TDRD5: variants seen among roughly 807,000 people sequenced by gnomAD.
TDRD5 encodes the protein tudor domain containing 5, also known as tudor domain-containing protein 5.
TDRD5 carries 41 observed loss-of-function variants against 120.6 expected under a neutral mutation model. The ratio of observed to expected loss-of-function variants is 0.34; its 90% confidence interval spans 0.26 to 0.44. The LOEUF (loss-of-function observed/expected upper bound fraction) is 0.44, where lower values mean the gene tolerates loss of function less well. Ranked by LOEUF, TDRD5 falls within the 20% of genes least tolerant of loss-of-function variation. The pLI is 1.00. For missense variants in TDRD5, 1,006 were observed against 1,221.2 expected (o/e 0.82, Z 2.63); for synonymous variants, 430 against 433.7 (o/e 0.99, Z 0.11).
intron 4 of TDRD5, among the ~76,000 whole-genome samples, chr1:179,603,344 T>G (rs2101924521): frequency 6.6e-6 from 1 of 152,348 alleles, no homozygotes; most frequent in South Asian, 2.1e-4. Flanking sequence ...TGACTTTCTC[T>G]TTACTGATTT....
intron 7 of TDRD5, among the ~76,000 whole-genome samples, chr1:179,633,176 C>A (rs1677555084): frequency 6.6e-6 from 1 of 152,062 alleles, no homozygotes; most frequent in Non-Finnish European, 1.5e-5. Flanking sequence ...CTCATTTCAT[C>A]ATTTGAAGTT....
At chr1:179,626,222 T>G (rs12140459) in intron 6 of TDRD5, among the ~76,000 whole-genome samples, 36,482 of 146,058 alleles carry the variant, frequency 0.25, 4,906 homozygotes, top group East Asian at 0.36. Context: ...ATAATAATAA[T>G]AAAAAGAAAA....
intron 14 of TDRD5, among the ~76,000 whole-genome samples, chr1:179,655,371 G>A (rs1013210706): frequency 2.6e-4 from 40 of 152,032 alleles, no homozygotes; most frequent in African/African-American, 8.4e-4. Flanking sequence ...TGCTCTTCAC[G>A]GCTTGGCCAA....
upstream of TDRD5, chr1:179,591,799 G>C (rs1343446318): frequency 1.3e-5 from 2 of 152,578 alleles, no homozygotes; most frequent in South Asian, 4.1e-4. Flanking sequence ...GGCGCCCCGG[G>C]AGAGGCCTGC....
intron 17 of TDRD5, among the ~76,000 whole-genome samples, chr1:179,687,168 T>C (rs1308125756): frequency 2.6e-5 from 4 of 152,192 alleles, no homozygotes; most frequent in South Asian, 2.1e-4. Flanking sequence ...CTGGTTTCTC[T>C]TGTGGGCATT....
chr1:179,663,304 G>T, intron 15 of TDRD5, 44 bp from the exon 16 acceptor site: 2 of 1,568,162 alleles, frequency 1.3e-6, no homozygotes, highest in Admixed American at 2.0e-5. Context: ...TTTGGGTCAT[G>T]TTGCACTTTA....
At chr1:179,654,392 T>C (rs1340636056) in intron 14 of TDRD5, 30 bp downstream of exon 14, 2 of 1,508,630 alleles carry the variant, frequency 1.3e-6, no homozygotes, top group African/African-American at 2.8e-5. Context: ...TCTTTGAATA[T>C]GTAATTAATA....
Position 179,593,512 on chromosome 1 carries a change from G to A in TDRD5, c.285G>A (p.Arg95=). The change falls in exon 3 of 18, where the codon AGG becomes AGA. Residue 95 remains arginine, a synonymous_variant. Coordinates refer to ENST00000444136, the MANE Select transcript of TDRD5 (RefSeq NM_001199085.3). ...KGIASLVAKQ[R]SSHKLRNSMH... is the part of the protein sequence containing the mutation. ...TAGCAAGCTTAGTTGCAAAACAGAGGAGCAGCCATAAGCTTCGAAACTCAA... is the reference window on the plus strand; with the variant it reads ...TAGCAAGCTTAGTTGCAAAACAGAGAAGCAGCCATAAGCTTCGAAACTCAA... 1 of 1,614,128 alleles carries A rather than the reference G, an allele frequency of 6.2e-7. No homozygotes were observed. Among genetic ancestry groups the A allele is most frequent in the Non-Finnish European group, 8.5e-7 (1 of 1,180,008 alleles).
intron 16 of TDRD5, 76 bp downstream of exon 16, chr1:179,663,567 C>A: frequency 6.6e-7 from 1 of 1,509,312 alleles, no homozygotes; most frequent in Non-Finnish European, 8.8e-7. Context: ...AAAATTGTCT[C>A]AATTTACATA....
intron 11 of TDRD5, among the ~76,000 whole-genome samples, chr1:179,642,031 TTCATA>T (rs1260840377): frequency 2.6e-5 from 4 of 152,156 alleles, no homozygotes; most frequent in African/African-American, 9.7e-5. Context: ...GTTCATTACT[TTCATA>T]TCAGCCAGAT....
intron 11 of TDRD5, among the ~76,000 whole-genome samples, chr1:179,643,775 G>A (rs915360740): frequency 1.3e-5 from 2 of 151,888 alleles, no homozygotes; most frequent in South Asian, 2.1e-4. Flanking sequence ...GAGAGAATAG[G>A]ATGGAAAAAA....
intron 4 of TDRD5, among the ~76,000 whole-genome samples, chr1:179,614,914 T>C (rs1676483429): frequency 6.6e-6 from 1 of 152,140 alleles, no homozygotes; most frequent in Non-Finnish European, 1.5e-5. Context: ...AATTTACTCT[T>C]AATTTTCAAA....
intron 5 of TDRD5, among the ~76,000 whole-genome samples, chr1:179,619,626 T>A (rs916026801): frequency 8.7e-6 from 1 of 114,884 alleles, no homozygotes; most frequent in Non-Finnish European, 1.8e-5. Flanking sequence ...TCAATATGAC[T>A]TTTTTTTTTT....
At position 179,669,331 on chromosome 1, in the gene TDRD5, A is replaced by C; in HGVS notation, c.2787A>C (p.Gln929His). 2 of 1,614,160 alleles carry C rather than the reference A, an allele frequency of 1.2e-6. No individual in the cohort carries two copies. Among genetic ancestry groups the C allele is most frequent in the Non-Finnish European group, 8.5e-7 (1 of 1,180,022 alleles). Residue 929 changes from glutamine to histidine, a missense_variant, in exon 17 of 18, where the codon CAA becomes CAC. Physicochemically the swap from Gln to His is conservative, Grantham distance 24 (BLOSUM62 0). Transcript: ENST00000444136. ...EPNNSQTQPK[Q>H]IQLSTAAPCS... ...ACAACAGTCAGACTCAGCCAAAGCA[A>C]ATTCAGCTTTCCACAGCAGCACCCT...
At position 179,604,369 on chromosome 1, in the gene TDRD5, A is replaced by T. The variant is rs1342563178; in HGVS notation, c.831+8551A>T. Among the ~76,000 whole-genome samples, 3 of 150,980 alleles carry T rather than the reference A, an allele frequency of 2.0e-5. No homozygotes were observed. The East Asian group carries it at 5.9e-4, about 29-fold the overall frequency. On this transcript the variant is annotated intron_variant, in intron 4 of 17. Transcript: ENST00000444136. Reference sequence around the variant, plus strand: ...TCTTTTGTATTTTTTTGTTGTTGTTAATTTCATTTAGTTCTGCTCTGATCT... The same window carrying T: ...TCTTTTGTATTTTTTTGTTGTTGTTTATTTCATTTAGTTCTGCTCTGATCT...
intron 16 of TDRD5, among the ~76,000 whole-genome samples, chr1:179,668,095 A>G (rs1358700906): frequency 3.9e-5 from 6 of 152,244 alleles, no homozygotes; most frequent in Admixed American, 3.3e-4. Flanking sequence ...ATGCTATTAA[A>G]TGACCATAGA....
chr1:179,690,942 G>A lies in TDRD5; in HGVS notation c.3107G>A (p.Ter1036=). The part of the protein sequence containing the change: ...WYPSVKRMEA[*] ...CCCAGTGTGAAAAGGATGGAAGCAT[G>A]AGGGAGGGAGGGAGGAGGGAGAAAA... The change falls in exon 18 of 18, where the codon TGA becomes TAA. Residue 1036 remains the stop codon, a stop_retained_variant. Transcript: ENST00000444136. The A allele has an allele frequency of 1.9e-6, 3 of 1,599,032 alleles. No individual in the cohort carries two copies. The highest frequency in any genetic ancestry group is 1.1e-5 in the South Asian group (1 of 89,588).
intron 6 of TDRD5, 127 bp from the exon 7 acceptor site, chr1:179,630,640 C>T (rs1389153563): frequency 2.2e-6 from 2 of 915,414 alleles, no homozygotes; most frequent in East Asian, 5.4e-5. Context: ...TGGAAGTGAG[C>T]CTTTACTCTG....
rs180714490 is a variant in TDRD5 at position 179,624,123 on chromosome 1, A to G, written c.972+3032A>G. Among the ~76,000 whole-genome samples, 12 of 152,352 alleles carry G rather than the reference A, an allele frequency of 7.9e-5. No homozygotes were observed. In the East Asian group the frequency reaches 2.3e-3, roughly 29 times the overall value. On this transcript the variant is annotated intron_variant, in intron 6 of 17. Coordinates refer to ENST00000444136, the MANE Select transcript of TDRD5 (RefSeq NM_001199085.3). ...CCTAAGAATGCAAGGTTGGAGTAAC[A>G]TTTCAAAAGGAATTAAGGCAATTCA... is the stretch of plus-strand genomic sequence containing the variant.
Sources: gnomAD v4.1 joint callset for allele counts (sites outside exome capture counted in the v4.1 genomes callset) on GRCh38, gnomAD v4.1.1 for gene constraint, MANE v1.5 for transcripts, NCBI Gene and HGNC (gene_info 2026-07-23, HGNC 2026-07-21) for gene names.